Variants in PHYHIPL observed in about 807,000 individuals in gnomAD.
PHYHIPL encodes phytanoyl-CoA 2-hydroxylase interacting protein like, also known as phytanoyl-CoA hydroxylase-interacting protein-like.
In PHYHIPL, 9 loss-of-function variants were observed where a neutral mutation model predicts 33.4. The ratio of observed to expected loss-of-function variants is 0.27; its 90% CI spans 0.16 to 0.47. The LOEUF (loss-of-function observed/expected upper bound fraction) is 0.47. Ranked by LOEUF, PHYHIPL falls within the 20% of genes least tolerant of loss-of-function variation. PHYHIPL has a pLI of 0.99. For synonymous variants in PHYHIPL, 153 were observed against 154.1 expected (o/e 0.99, Z 0.05); for missense variants, 365 against 460.7 (o/e 0.79, Z 1.90).
At position 59,246,886 on chromosome 10, in the gene PHYHIPL, AATTTTTAATACAATATTTT is replaced by A; in HGVS notation, c.*1301_*1319del. 2.9e-6 allele frequency: 1 copy of A among 348,710 alleles called. No homozygotes were observed. Among genetic ancestry groups the A allele is most frequent in the Non-Finnish European group, 5.1e-6 (1 of 195,990 alleles). The allele number at this position is 348,710 out of a possible 1,614,324, so 21.6% of individuals were successfully genotyped here. A position where few individuals can be genotyped will look rare whatever the true frequency, so the allele number is the denominator to read the frequency against. Reference sequence around the variant, plus strand: ...ATATCTATCCAAAATACCTATTTTAAATTTTTAATACAATATTTTATTTTAATATAAACATCTGTCAGTT... The same window carrying A: ...ATATCTATCCAAAATACCTATTTTAAATTTTAATATAAACATCTGTCAGTT... On this transcript the variant is annotated 3_prime_UTR_variant, in exon 5 of 5. Coordinates refer to ENST00000373880, the MANE Select transcript of PHYHIPL (RefSeq NM_032439.4).
intron 1 of PHYHIPL, among the ~76,000 whole-genome samples, chr10:59,227,950 T>A (rs1247292090): frequency 7.8e-6 from 1 of 127,564 alleles, no homozygotes; most frequent in South Asian, 2.7e-4. Context: ...TAAGATAAAA[T>A]AAGATTTTAA....
intron 1 of PHYHIPL, among the ~76,000 whole-genome samples, chr10:59,181,716 AAAAT>A (rs1272207582): frequency 2.0e-5 from 3 of 152,244 alleles, no homozygotes; most frequent in African/African-American, 7.2e-5. Flanking sequence ...AAACAAAAAT[AAAAT>A]AAAAACTAAA....
At chr10:59,191,887 A>G (rs1047348772) in intron 1 of PHYHIPL, among the ~76,000 whole-genome samples, 1 of 142,690 alleles carries the variant, frequency 7.0e-6, no homozygotes, top group Non-Finnish European at 1.5e-5. Flanking sequence ...ATCCCAAACA[A>G]GAATAACTTT....
chr10:59,241,499 A>T (rs1840395172), intron 4 of PHYHIPL, among the ~76,000 whole-genome samples: 1 of 152,130 alleles, frequency 6.6e-6, no homozygotes, highest in Non-Finnish European at 1.5e-5. Flanking sequence ...AACTCCTTTT[A>T]TATCTGAAGG....
At position 59,233,336 on chromosome 10, in the gene PHYHIPL, A is replaced by G. The variant is rs76693723; in HGVS notation, c.107-968A>G. On this transcript the variant is annotated intron_variant, in intron 1 of 4. Coordinates refer to ENST00000373880, the MANE Select transcript of PHYHIPL (RefSeq NM_032439.4). Reference sequence around the variant, plus strand: ...AGGTATTACCACAAGGTGAACATTCACTGTTGTTTTTTTGTTGAATAACAT... The same window carrying G: ...AGGTATTACCACAAGGTGAACATTCGCTGTTGTTTTTTTGTTGAATAACAT... Among the ~76,000 whole-genome samples the G allele has an allele frequency of 3.3e-3, 509 of 151,984 alleles. 6 individuals carry two copies. The highest frequency in any genetic ancestry group is 8.6e-3 in the African/African-American group (357 of 41,534).
intron 1 of PHYHIPL, among the ~76,000 whole-genome samples, chr10:59,190,365 G>T (rs1331256066): frequency 2.6e-5 from 4 of 151,846 alleles, no homozygotes; most frequent in Admixed American, 1.3e-4. Flanking sequence ...TCAGATTTTT[G>T]TCAAAGTAGA....
At chr10:59,177,002 C>G in intron 1 of PHYHIPL, 43 bp downstream of exon 1, 1 of 1,569,770 alleles carries the variant, frequency 6.4e-7, no homozygotes, top group South Asian at 1.1e-5. Context: ...AGAGTTCGCG[C>G]CGAGGCGCCG....
intron 1 of PHYHIPL, among the ~76,000 whole-genome samples, chr10:59,186,931 T>C (rs1379012170): frequency 1.3e-5 from 2 of 152,228 alleles, no homozygotes; most frequent in Non-Finnish European, 2.9e-5. Flanking sequence ...TGACTTCCTC[T>C]TTTCCTAATT....
At chr10:59,244,577 A>AAAAAAAAAAAAAAAAAAAAAAC (rs1488446637) in intron 4 of PHYHIPL, among the ~76,000 whole-genome samples, 1 of 148,936 alleles carries the variant, frequency 6.7e-6, no homozygotes, top group Non-Finnish European at 1.5e-5. Flanking sequence ...AAAAAAAAAA[A>AAAAAAAAAAAAAAAAAAAAAAC]AAAAAAAAAG....
In PHYHIPL at chr10:59,229,010, A is replaced by G. The variant is rs953140485; in HGVS notation, c.107-5294A>G. ...TATGATCAAAACAAGGAAGACTTCA[A>G]TAAGTTAGATATGTTCTATTACAGT... is the stretch of plus-strand genomic sequence containing the variant. On this transcript the variant is annotated intron_variant, in intron 1 of 4. Transcript: ENST00000373880. Among the ~76,000 whole-genome samples the G allele has an allele frequency of 5.9e-5, 9 of 152,178 alleles. No homozygotes were observed. In the South Asian group the frequency reaches 6.2e-4, roughly 10 times the overall value.
At chr10:59,244,924 C>G in intron 4 of PHYHIPL, 133 bp from the exon 5 acceptor site, 1 of 867,470 alleles carries the variant, frequency 1.2e-6, no homozygotes, top group Non-Finnish European at 1.7e-6. Flanking sequence ...AAGATGTTGT[C>G]CCCTTATTCT....
At chr10:59,233,752 A>G (rs551741424) in intron 1 of PHYHIPL, among the ~76,000 whole-genome samples, 2 of 151,844 alleles carry the variant, frequency 1.3e-5, no homozygotes, top group Non-Finnish European at 3.0e-5. Flanking sequence ...TCAAAATTAA[A>G]TTCATCAAGG....
chr10:59,243,434 A>C (rs1840485994), intron 4 of PHYHIPL, among the ~76,000 whole-genome samples: 1 of 152,190 alleles, frequency 6.6e-6, no homozygotes, highest in South Asian at 2.1e-4. Context: ...GAAACCTGGA[A>C]CATCAGAAAG....
chr10:59,184,004 T>C lies in PHYHIPL; in HGVS notation c.106+7045T>C, dbSNP rs544024498. Among the ~76,000 whole-genome samples the C allele has an allele frequency of 1.1e-4, 17 of 152,354 alleles. No homozygotes were observed. The South Asian group carries it at 1.7e-3, about 15-fold the overall frequency. Reference sequence around the variant, plus strand: ...GTCTCATCTTCCATGAATTTGAATATTGGTGAATCTCTCAGTCTTTAACAT... The same window carrying C: ...GTCTCATCTTCCATGAATTTGAATACTGGTGAATCTCTCAGTCTTTAACAT... On this transcript the variant is annotated intron_variant, in intron 1 of 4. Transcript: ENST00000373880.
chr10:59,204,375 AG>A (rs1244624383), intron 1 of PHYHIPL, among the ~76,000 whole-genome samples: 1 of 152,200 alleles, frequency 6.6e-6, no homozygotes, highest in Non-Finnish European at 1.5e-5. Context: ...AGTGATTACA[AG>A]TTAAATAAAG....
At chr10:59,191,786 A>T (rs183764940) in intron 1 of PHYHIPL, among the ~76,000 whole-genome samples, 353 of 152,136 alleles carry the variant, frequency 2.3e-3, no homozygotes, top group Non-Finnish European at 3.4e-3. Flanking sequence ...ATCCATTTTA[A>T]ATTTGTCTGT....
chr10:59,207,075 A>G (rs1454233269), intron 1 of PHYHIPL, among the ~76,000 whole-genome samples: 1 of 152,228 alleles, frequency 6.6e-6, no homozygotes, highest in Non-Finnish European at 1.5e-5. Flanking sequence ...AATGTAAGGT[A>G]CATTTTAAGT....
At chr10:59,179,865 A>T (rs908173288) in intron 1 of PHYHIPL, among the ~76,000 whole-genome samples, 2 of 151,330 alleles carry the variant, frequency 1.3e-5, no homozygotes, top group African/African-American at 2.4e-5. Context: ...ACACACACAC[A>T]CACACACACA....
At chr10:59,192,004 T>C (rs1035439983) in intron 1 of PHYHIPL, among the ~76,000 whole-genome samples, 2 of 152,054 alleles carry the variant, frequency 1.3e-5, no homozygotes, top group African/African-American at 4.8e-5. Context: ...CTACAACTAA[T>C]TGAACTCTGC....
Sources: allele counts gnomAD v4.1 joint callset (sites outside exome capture counted in the v4.1 genomes callset), GRCh38; gene constraint gnomAD v4.1.1; transcripts MANE v1.5; gene names NCBI Gene and HGNC (gene_info 2026-07-23, HGNC 2026-07-21).